The following SBDS variants were observed in gnomAD, a reference collection of about 807,000 sequenced individuals.
The protein encoded by SBDS is SBDS ribosome maturation factor.
A neutral mutation model predicts 26.4 loss-of-function variants in SBDS; 20 were observed. The ratio of observed to expected loss-of-function variants is 0.76; its 90% confidence interval spans 0.53 to 1.10. SBDS has a LOEUF of 1.10. Ranked by LOEUF, SBDS falls within the 50% of genes least tolerant of loss-of-function variation. The probability of loss-of-function intolerance (pLI) is 0.00; values close to 1 mark genes in which losing one functional copy is unlikely to be tolerated. For synonymous variants in SBDS, 95 were observed against 105.1 expected, an observed-to-expected ratio of 0.90 and a Z score of 0.59; for missense variants, 241 against 302.0, an observed-to-expected ratio of 0.80 and a Z score of 1.50.
chr7:66,988,579 C>T (rs748622118), intron 4 of SBDS, 80 bp from the exon 5 acceptor site: 230 of 1,504,422 alleles, frequency 1.5e-4, no homozygotes, highest in Non-Finnish European at 2.1e-4. Flanking sequence ...TCCTTTGAGG[C>T]AAGCACAATG....
In SBDS at chr7:66,988,361, T is replaced by C. The variant is rs11557421; in HGVS notation, c.*10A>G. The C allele has an allele frequency of 7.4e-6, 12 of 1,612,816 alleles. No homozygotes were observed. The highest frequency in any genetic ancestry group is 1.0e-5 in the Non-Finnish European group (12 of 1,179,888). On this transcript the variant is annotated 3_prime_UTR_variant, in exon 5 of 5. Transcript: ENST00000246868. ...CTTTAGTGTTTTAGAGGTGAAGAGA[T>C]TGATGGGTGTCATTCAAATTTCTCA...
Position 66,991,228 on chromosome 7 carries a change from A to G in SBDS, c.533T>C (p.Leu178Pro). The G allele has an allele frequency of 6.2e-7, 1 of 1,614,156 alleles. No individual in the cohort carries two copies. The highest frequency in any genetic ancestry group is 8.5e-7 in the Non-Finnish European group (1 of 1,180,014). ...CAGCTTCTTGCCTTCATTGACTGGAAGGATGAACCGAAGCCTCATGTGAGC... is the reference window on the plus strand; with the variant it reads ...CAGCTTCTTGCCTTCATTGACTGGAGGGATGAACCGAAGCCTCATGTGAGC... ...ERAHMRLRFILPVNEGKKLKE... is the reference protein window; with the variant it reads ...ERAHMRLRFIPPVNEGKKLKE... The change falls in exon 4 of 5, where the codon CTT becomes CCT. Residue 178 changes from leucine (L) to proline (P), a missense_variant. Transcript: ENST00000246868.
chr7:66,992,945 T>C (rs1418894185), intron 3 of SBDS, among the ~76,000 whole-genome samples: 1 of 150,384 alleles, frequency 6.6e-6, no homozygotes, highest in Non-Finnish European at 1.5e-5. Flanking sequence ...AGGTGGAGAT[T>C]GTAGTGAGCC....
Position 66,988,372 on chromosome 7 carries a change from C to T in SBDS, c.752G>A (p.Ter251=). The stretch of plus-strand genomic sequence containing the variant: ...TAGAGGTGAAGAGATTGATGGGTGT[C>T]ATTCAAATTTCTCATCTCCTTCTTC... ...DVEEGDEKFE[*] The change falls in exon 5 of 5, where the codon TGA becomes TAA. Residue 251 remains the stop codon, a stop_retained_variant. Transcript: ENST00000246868. 6.2e-7 allele frequency: 1 copy of T among 1,613,164 alleles called. No individual in the cohort carries two copies.
chr7:66,988,689 G>A (rs888643447), intron 4 of SBDS, among the ~76,000 whole-genome samples, 190 bp from the exon 5 acceptor site: 1 of 152,134 alleles, frequency 6.6e-6, no homozygotes, highest in Non-Finnish European at 1.5e-5. Flanking sequence ...GCCCTCAAGT[G>A]TCCATGTAGC....
chr7:66,991,642 A>C (rs1418498455), intron 3 of SBDS, among the ~76,000 whole-genome samples: 1 of 151,734 alleles, frequency 6.6e-6, no homozygotes, highest in Non-Finnish European at 1.5e-5. Flanking sequence ...AATACAAAAA[A>C]AGAAAAATTA....
At chr7:66,994,392 C>G (rs1377090846) in intron 1 of SBDS, 51 bp from the exon 2 acceptor site, 1 of 1,503,062 alleles carries the variant, frequency 6.7e-7, no homozygotes, top group Non-Finnish European at 9.2e-7. Context: ...GAAACTTGGA[C>G]ATGCATTTAC....
chr7:66,995,570 G>T lies in SBDS; in HGVS notation c.-153C>A. On this transcript the variant is annotated 5_prime_UTR_variant, in exon 1 of 5. The change creates a new upstream start codon in the 5' untranslated region. Coordinates refer to ENST00000246868, the MANE Select transcript of SBDS (RefSeq NM_016038.4). ...CGCCGCGACTCACTAGCTTCAGGCAGCCGTCACAGTGTGTCTGGCAGGCTT... is the reference window on the plus strand; with the variant it reads ...CGCCGCGACTCACTAGCTTCAGGCATCCGTCACAGTGTGTCTGGCAGGCTT... 1 of 1,109,710 alleles carries T rather than the reference G, an allele frequency of 9.0e-7. No homozygotes were observed. Among genetic ancestry groups the T allele is most frequent in the South Asian group, 1.4e-5 (1 of 71,396 alleles). 68.7% of individuals were successfully genotyped at this position (1,109,710 alleles called of 1,614,324 possible).
At chr7:66,988,899 A>G (rs960152896) in intron 4 of SBDS, among the ~76,000 whole-genome samples, 1 of 151,960 alleles carries the variant, frequency 6.6e-6, no homozygotes, top group African/African-American at 2.4e-5. Flanking sequence ...GTGTATGTTA[A>G]TTTATTTTTT....
At chr7:66,995,070 C>T in intron 1 of SBDS, 1 of 615,284 alleles carries the variant, frequency 1.6e-6, no homozygotes, top group South Asian at 2.0e-5. Flanking sequence ...AAACAAAACC[C>T]CAAACCAACA....
At chr7:66,994,483 T>G in intron 1 of SBDS, 142 bp from the exon 2 acceptor site, 1 of 801,658 alleles carries the variant, frequency 1.2e-6, no homozygotes, top group African/African-American at 1.7e-5. Flanking sequence ...AGGGCAGTTT[T>G]CTTTTTCTTA....
intron 2 of SBDS, among the ~76,000 whole-genome samples, chr7:66,993,960 G>A (rs1014787466): frequency 4.0e-5 from 6 of 150,784 alleles, no homozygotes; most frequent in African/African-American, 1.2e-4. Flanking sequence ...TCTATAAATG[G>A]GGCAATTTAT....
At position 66,995,322 on chromosome 7, in the gene SBDS, G is replaced by C; in HGVS notation, c.96C>G (p.Tyr32Ter). 6.2e-7 allele frequency: 1 copy of C among 1,614,110 alleles called. No individual in the cohort carries two copies. The highest frequency in any genetic ancestry group is 8.5e-7 in the Non-Finnish European group (1 of 1,180,006). Residue 32 changes from tyrosine (Y) to a stop codon, truncating the protein, a stop_gained, in exon 1 of 5, where the codon TAC (tyrosine) becomes TAG (stop). Transcript: ENST00000246868. LOFTEE classifies it high-confidence loss of function. ...RAGKRFEIAC[Y>*]KNKVVGWRSG... ...TCCGCCAGCCGACGACCTTGTTTTT[G>C]TAGCAGGCGATTTCGAAGCGCTTCC...
chr7:66,995,497 G>A lies in SBDS; in HGVS notation c.-80C>T. On this transcript the variant is annotated 5_prime_UTR_variant, in exon 1 of 5. Coordinates refer to ENST00000246868, the MANE Select transcript of SBDS (RefSeq NM_016038.4). Reference sequence around the variant, plus strand: ...AGCCTGAAGGCCACCAGCGCCTCGCGGTAACGACCGATCGGCGCGCGGCAC... The same window carrying A: ...AGCCTGAAGGCCACCAGCGCCTCGCAGTAACGACCGATCGGCGCGCGGCAC... The A allele has an allele frequency of 6.2e-7, 1 of 1,604,190 alleles. No individual in the cohort carries two copies. The highest frequency in any genetic ancestry group is 8.5e-7 in the Non-Finnish European group (1 of 1,173,982).
intron 3 of SBDS, 142 bp from the exon 4 acceptor site, chr7:66,991,443 A>C: frequency 1.4e-6 from 1 of 711,910 alleles, no homozygotes; most frequent in Middle Eastern, 4.0e-4. Flanking sequence ...CGTTAAAAAA[A>C]AAATAGAAAA....
intron 4 of SBDS, among the ~76,000 whole-genome samples, chr7:66,990,320 G>C (rs1792949284): frequency 6.6e-6 from 1 of 152,066 alleles, no homozygotes. Flanking sequence ...GCCCAGCCAG[G>C]ATTCAATCTT....
At chr7:66,993,570 C>G (rs1352563358) in intron 2 of SBDS, among the ~76,000 whole-genome samples, 153 bp from the exon 3 acceptor site, 1 of 151,956 alleles carries the variant, frequency 6.6e-6, no homozygotes, top group Non-Finnish European at 1.5e-5. Context: ...TGAGCTTTGC[C>G]CAAAAGATGC....
chr7:66,991,500 A>C (rs1266876034), intron 3 of SBDS, among the ~76,000 whole-genome samples, 199 bp from the exon 4 acceptor site: 1 of 152,126 alleles, frequency 6.6e-6, no homozygotes, highest in Non-Finnish European at 1.5e-5. Flanking sequence ...AAAAACTATG[A>C]AGAAAGTGAA....
chr7:66,994,526 C>T lies in SBDS; in HGVS notation c.129-185G>A, dbSNP rs71563147. Among the ~76,000 whole-genome samples, 12,562 of 149,720 alleles carry T rather than the reference C, an allele frequency of 0.084. 633 individuals carry two copies. The highest frequency in any genetic ancestry group is 0.13 in the Admixed American group (1,919 of 14,768). On this transcript the variant is annotated intron_variant, in intron 1 of 4. Transcript: ENST00000246868. The stretch of plus-strand genomic sequence containing the variant: ...ACCCCCGCCCCTAGATGGAATTTCA[C>T]TGTTTTTGCCCAGGCTGGAGTGCAA...
Sources: allele counts gnomAD v4.1 joint callset (sites outside exome capture counted in the v4.1 genomes callset), GRCh38; gene constraint gnomAD v4.1.1; transcripts MANE v1.5; gene names NCBI Gene and HGNC (gene_info 2026-07-23, HGNC 2026-07-21).